Variants in TENM2 observed in about 807,000 individuals in gnomAD.
TENM2 encodes the protein teneurin transmembrane protein 2, also known as teneurin-2.
Under a neutral mutation model 245.2 loss-of-function variants are expected in TENM2, and 52 were observed. The ratio of observed to expected loss-of-function variants is 0.21; its 90% CI spans 0.17 to 0.27. The LOEUF (loss-of-function observed/expected upper bound fraction) is 0.27, where lower values mean the gene tolerates loss of function less well. Among genes scored for constraint, TENM2 ranks in the 10% least tolerant of loss-of-function variants. TENM2 has a pLI of 1.00. For missense variants in TENM2, 3,046 were observed against 3,666.8 expected (o/e 0.83, Z 4.37); for synonymous variants, 1,363 against 1,438.9 (o/e 0.95, Z 1.19).
At chr5:168,098,312 A>G (rs1793533635) in intron 9 of TENM2, among the ~76,000 whole-genome samples, 185 bp downstream of exon 11, 2 of 152,188 alleles carry the variant, frequency 1.3e-5, no homozygotes, top group South Asian at 4.1e-4. Context: ...ACCATTGGCC[A>G]ACGTACCTAT....
the TENM2 span, among the ~76,000 whole-genome samples, chr5:167,049,561 T>C: frequency 1.3e-5 from 2 of 152,218 alleles, no homozygotes; most frequent in African/African-American, 4.8e-5. Flanking sequence ...AGTAAAAATC[T>C]TTATATGAGT....
chr5:167,641,930 C>T (rs778905472), intron 2 of TENM2, among the ~76,000 whole-genome samples: 13 of 151,980 alleles, frequency 8.6e-5, no homozygotes, highest in Non-Finnish European at 1.6e-4. Context: ...ATCATGAGGT[C>T]AGGAGTTCGA....
chr5:167,380,238 T>C (rs1761017895), intron 2 of TENM2, among the ~76,000 whole-genome samples: 1 of 151,980 alleles, frequency 6.6e-6, no homozygotes, highest in Admixed American at 6.6e-5. Flanking sequence ...TTCATGGGAG[T>C]CTTAATATAT....
intron 2 of TENM2, among the ~76,000 whole-genome samples, chr5:167,537,377 C>T (rs557024606): frequency 6.6e-6 from 1 of 152,002 alleles, no homozygotes; most frequent in Admixed American, 6.5e-5. Flanking sequence ...ATGCTGGTCA[C>T]GTAGTGACAA....
chr5:167,560,430 C>T (rs531711004), intron 2 of TENM2, among the ~76,000 whole-genome samples: 54 of 152,044 alleles, frequency 3.6e-4, no homozygotes, highest in African/African-American at 1.3e-3. Context: ...ACTTGATCAA[C>T]TCCTGAATTT....
rs535719632 is a variant in TENM2, at chr5:168,201,762, T to C, written c.3430+1631T>C. Among the ~76,000 whole-genome samples, 44 of 152,338 alleles carry C rather than the reference T, an allele frequency of 2.9e-4. 1 individual carries two copies. In the South Asian group the frequency reaches 8.5e-3, roughly 29 times the overall value. On this transcript the variant is annotated intron_variant, in intron 17 of 28. Transcript: ENST00000518659. ...TTCTTTTAAACTGTTTTTAAAGTTC[T>C]TTCATCTTTCCTTATCTTTCTCTCT...
At chr5:167,411,069 T>G (rs147663005) in intron 2 of TENM2, among the ~76,000 whole-genome samples, 112 of 152,200 alleles carry the variant, frequency 7.4e-4, no homozygotes, top group African/African-American at 2.6e-3. Context: ...CACATTGTTG[T>G]GCAATAGAAG....
At chr5:167,390,056 T>C (rs933367689) in intron 2 of TENM2, among the ~76,000 whole-genome samples, 2 of 152,216 alleles carry the variant, frequency 1.3e-5, no homozygotes, top group African/African-American at 2.4e-5. Context: ...TATTGTACCT[T>C]ATTGTTTATA....
intron 12 of TENM2, among the ~76,000 whole-genome samples, chr5:168,140,306 C>T (rs1755428615): frequency 6.6e-6 from 1 of 152,220 alleles, no homozygotes; most frequent in Admixed American, 6.5e-5. Flanking sequence ...AAGTATTTTA[C>T]ACAAAGCAGC....
At chr5:167,195,243 C>T in the TENM2 span, among the ~76,000 whole-genome samples, 1 of 151,928 alleles carries the variant, frequency 6.6e-6, no homozygotes, top group Non-Finnish European at 1.5e-5. Context: ...GGTTTAGTGT[C>T]CTATCTGGGA....
At chr5:167,281,792 A>G (rs1032789340), upstream of TENM2, among the ~76,000 whole-genome samples, 6 of 152,132 alleles carry the variant, frequency 3.9e-5, no homozygotes, top group Non-Finnish European at 7.4e-5. Context: ...TGAGGTCAGG[A>G]GTTCAAGACC....
At chr5:167,118,955 G>T in the TENM2 span, among the ~76,000 whole-genome samples, 2 of 152,110 alleles carry the variant, frequency 1.3e-5, no homozygotes, top group African/African-American at 4.8e-5. Flanking sequence ...TCTAATAATT[G>T]GTTCTACCTA....
chr5:167,288,665 T>G (rs1754454224), intron 1 of TENM2, among the ~76,000 whole-genome samples: 1 of 152,182 alleles, frequency 6.6e-6, no homozygotes, highest in South Asian at 2.1e-4. Context: ...CAGTTAATGC[T>G]CACAACAGCT....
chr5:167,627,708 C>T (rs1459776260), intron 2 of TENM2, among the ~76,000 whole-genome samples: 1 of 152,062 alleles, frequency 6.6e-6, no homozygotes, highest in East Asian at 1.9e-4. Context: ...TAGGTGCCCA[C>T]CGCCATGCCA....
intron 6 of TENM2, among the ~76,000 whole-genome samples, chr5:168,055,295 G>C (rs943561226): frequency 6.6e-6 from 1 of 152,154 alleles, no homozygotes; most frequent in Non-Finnish European, 1.5e-5. Context: ...TTATTGCATG[G>C]AAGTATGAAT....
the TENM2 span, among the ~76,000 whole-genome samples, chr5:167,104,547 A>G: frequency 6.6e-6 from 1 of 152,220 alleles, no homozygotes; most frequent in East Asian, 1.9e-4. Context: ...TATGTGCCTT[A>G]CCTTGTAAAG....
At chr5:167,615,521 T>C (rs1279685474) in intron 2 of TENM2, among the ~76,000 whole-genome samples, 3 of 152,146 alleles carry the variant, frequency 2.0e-5, no homozygotes, top group African/African-American at 7.2e-5. Context: ...ACACAGTAAG[T>C]GAGATATCTT....
intron 7 of TENM2, among the ~76,000 whole-genome samples, chr5:168,067,281 C>T (rs1005528665): frequency 1.3e-5 from 2 of 152,070 alleles, no homozygotes; most frequent in Non-Finnish European, 2.9e-5. Flanking sequence ...GCTGGTACCC[C>T]CTAATGCTTT....
intron 2 of TENM2, among the ~76,000 whole-genome samples, chr5:167,474,975 A>T (rs1456360031): frequency 6.6e-6 from 1 of 152,218 alleles, no homozygotes; most frequent in East Asian, 1.9e-4. Flanking sequence ...TTGCAAACCT[A>T]GTATATTTTT....
Sources: gnomAD v4.1 joint callset for allele counts (sites outside exome capture counted in the v4.1 genomes callset) on GRCh38, gnomAD v4.1.1 for gene constraint, MANE v1.5 for transcripts, NCBI Gene and HGNC (gene_info 2026-07-23, HGNC 2026-07-21) for gene names.